COL4A5: variants seen among roughly 807,000 people sequenced by gnomAD.
COL4A5 encodes the protein collagen alpha-5(IV) chain.
COL4A5 carries 26 observed loss-of-function variants against 130.2 expected under a neutral mutation model. That is an observed-to-expected ratio of 0.20 (90% confidence interval 0.15 to 0.28). The LOEUF is 0.28. COL4A5 is among the 10% of genes least tolerant of loss of function. The pLI is 1.00. For synonymous variants in COL4A5, 496 were observed against 439.6 expected (o/e 1.13, Z -1.60); for missense variants, 1,131 against 1,344.3 (o/e 0.84, Z 2.48).
chrX:108,624,515 G>A (rs943263797), intron 34 of COL4A5, among the ~76,000 whole-genome samples, 181 bp downstream of exon 34: 1 of 112,521 alleles, frequency 8.9e-6, no homozygotes, highest in African/African-American at 3.2e-5. Flanking sequence ...AGTTTTAGCA[G>A]TCCAGATTTT....
intron 28 of COL4A5, among the ~76,000 whole-genome samples, chrX:108,603,757 A>G (rs1488326279): frequency 9.0e-6 from 1 of 111,683 alleles, no homozygotes; most frequent in East Asian, 2.8e-4. Flanking sequence ...GTTTGATGGT[A>G]TTTTACCCAC....
At chrX:108,446,286 G>C (rs2064451212) in intron 1 of COL4A5, among the ~76,000 whole-genome samples, 1 of 111,822 alleles carries the variant, frequency 8.9e-6, no homozygotes, top group South Asian at 3.7e-4. Context: ...ATTTTAAAAT[G>C]ATTACATACA....
intron 36 of COL4A5, chrX:108,627,652 G>T: frequency 3.7e-6 from 2 of 545,671 alleles, no homozygotes; most frequent in Middle Eastern, 2.3e-3. Flanking sequence ...TTATAATAAT[G>T]TAACATATGA....
rs746344355 is a variant in COL4A5 at position 108,444,162 on chromosome X, T to A, written c.81+3956T>A. On this transcript the variant is annotated intron_variant, in intron 1 of 52. Coordinates refer to ENST00000328300, the MANE Select transcript of COL4A5 (RefSeq NM_033380.3). ...CCTGTGTCCTTTCAACATGTCTCCATCATTTTTTAAGCACCCTCTTACTTT... is the reference window on the plus strand; with the variant it reads ...CCTGTGTCCTTTCAACATGTCTCCAACATTTTTTAAGCACCCTCTTACTTT... Among the ~76,000 whole-genome samples the A allele has an allele frequency of 3.6e-5, 4 of 110,781 alleles. No individual in the cohort carries two copies. In the East Asian group the frequency reaches 1.1e-3, roughly 31 times the overall value.
intron 2 of COL4A5, among the ~76,000 whole-genome samples, chrX:108,542,693 G>A (rs371620184): frequency 3.9e-5 from 4 of 102,828 alleles, no homozygotes; most frequent in African/African-American, 1.3e-4. Flanking sequence ...ACAGTCTTCC[G>A]CAATGGTTGA....
intron 36 of COL4A5, among the ~76,000 whole-genome samples, chrX:108,630,315 A>G (rs1306125788): frequency 9.0e-6 from 1 of 111,663 alleles, no homozygotes; most frequent in African/African-American, 3.3e-5. Flanking sequence ...CCTCTCCAGC[A>G]CCTGTTGTTT....
At chrX:108,643,331 G>A (rs954087070) in intron 36 of COL4A5, among the ~76,000 whole-genome samples, 1 of 111,870 alleles carries the variant, frequency 8.9e-6, no homozygotes, top group Admixed American at 9.5e-5. Flanking sequence ...CCTTGCTAGA[G>A]ACCTAGACAT....
At chrX:108,497,657 G>A (rs1386750744) in intron 1 of COL4A5, among the ~76,000 whole-genome samples, 1 of 111,223 alleles carries the variant, frequency 9.0e-6, no homozygotes, top group Non-Finnish European at 1.9e-5. Context: ...ATTCTATATT[G>A]TCATTCAATA....
At chrX:108,468,705 A>T (rs190865245) in intron 1 of COL4A5, among the ~76,000 whole-genome samples, 4 of 107,232 alleles carry the variant, frequency 3.7e-5, no homozygotes, top group African/African-American at 1.4e-4. Context: ...TCCTGGGATA[A>T]TTCTCATTTG....
intron 30 of COL4A5, among the ~76,000 whole-genome samples, chrX:108,616,966 T>G (rs2147853887): frequency 9.0e-6 from 1 of 110,843 alleles, no homozygotes; most frequent in African/African-American, 3.3e-5. Context: ...CTATTTCTTT[T>G]GTAAATATAT....
chrX:108,463,926 A>G (rs914745753), intron 1 of COL4A5, among the ~76,000 whole-genome samples: 1 of 111,783 alleles, frequency 8.9e-6, no homozygotes, highest in Admixed American at 9.5e-5. Flanking sequence ...TTTTTATTGC[A>G]GTACAAAATC....
intron 49 of COL4A5, among the ~76,000 whole-genome samples, chrX:108,688,752 A>G (rs2068595642): frequency 9.0e-6 from 1 of 111,449 alleles, no homozygotes; most frequent in African/African-American, 3.3e-5. Context: ...CTATTTTAAG[A>G]CTGACTATCC....
At chrX:108,497,474 A>C (rs1003695259) in intron 1 of COL4A5, among the ~76,000 whole-genome samples, 4 of 111,040 alleles carry the variant, frequency 3.6e-5, no homozygotes, top group Non-Finnish European at 7.6e-5. Flanking sequence ...ATCATTTTCT[A>C]TTTTCACCAG....
intron 49 of COL4A5, chrX:108,689,549 G>A: frequency 1.3e-6 from 1 of 754,402 alleles, no homozygotes; most frequent in Non-Finnish European, 1.6e-6. Context: ...CTCAGACACA[G>A]GAAGGCCATG....
At chrX:108,590,490 CA>C (rs1259048551) in intron 19 of COL4A5, among the ~76,000 whole-genome samples, 1 of 110,975 alleles carries the variant, frequency 9.0e-6, no homozygotes, top group Non-Finnish European at 1.9e-5. Flanking sequence ...TTGATTCTAC[CA>C]AAAAATAATC....
chrX:108,668,920 G>T (rs185197288), intron 41 of COL4A5, among the ~76,000 whole-genome samples: 1 of 111,844 alleles, frequency 8.9e-6, no homozygotes, highest in East Asian at 2.8e-4. Flanking sequence ...GATGCTTGTG[G>T]TCCATACCAG....
At chrX:108,646,757 A>G (rs1417006827) in intron 36 of COL4A5, among the ~76,000 whole-genome samples, 12 of 111,847 alleles carry the variant, frequency 1.1e-4, no homozygotes, top group Non-Finnish European at 2.1e-4. Context: ...TAATTTTTGT[A>G]TAACGTGTAA....
At chrX:108,605,073 C>T (rs373536962) in intron 28 of COL4A5, among the ~76,000 whole-genome samples, 30 of 112,327 alleles carry the variant, frequency 2.7e-4, no homozygotes, top group African/African-American at 7.8e-4. Flanking sequence ...GTTTTACTTT[C>T]TTCTCATTCG....
intron 16 of COL4A5, 53 bp downstream of exon 16, chrX:108,581,080 G>T: frequency 9.5e-7 from 1 of 1,058,144 alleles, no homozygotes. Context: ...TTATGTGTTG[G>T]TATAACATAA....
Sources: allele counts gnomAD v4.1 joint callset (sites outside exome capture counted in the v4.1 genomes callset), GRCh38; gene constraint gnomAD v4.1.1; transcripts MANE v1.5; gene names NCBI Gene and HGNC (gene_info 2026-07-23, HGNC 2026-07-21).